Variants in ASB3 observed in about 807,000 individuals in gnomAD.
The protein encoded by ASB3 is ankyrin repeat and SOCS box protein 3.
Under a neutral mutation model 54.5 loss-of-function variants are expected in ASB3, and 41 were observed. The ratio of observed to expected loss-of-function variants is 0.75; its 90% CI spans 0.59 to 0.98. The LOEUF is 0.98. ASB3 is among the 50% of genes least tolerant of loss of function. The pLI is 0.00. For missense variants in ASB3, 733 were observed against 620.0 expected (o/e 1.18, Z -1.94); for synonymous variants, 266 against 221.2 (o/e 1.20, Z -1.80).
At chr2:53,681,110 A>T (rs2103664576) in intron 9 of ASB3, among the ~76,000 whole-genome samples, 1 of 152,288 alleles carries the variant, frequency 6.6e-6, no homozygotes, top group East Asian at 1.9e-4. Flanking sequence ...TATGTATCAC[A>T]GTTTCTTTAT....
chr2:53,768,398 T>C (rs1282055245), intron 1 of ASB3, among the ~76,000 whole-genome samples: 2 of 152,264 alleles, frequency 1.3e-5, no homozygotes, highest in Admixed American at 6.5e-5. Flanking sequence ...GTTGAAATAG[T>C]AAATCAAGTT....
At chr2:53,739,002 C>G (rs554517300) in intron 3 of ASB3, among the ~76,000 whole-genome samples, 1 of 152,152 alleles carries the variant, frequency 6.6e-6, no homozygotes, top group African/African-American at 2.4e-5. Flanking sequence ...AGGGTAGGAA[C>G]ACTGCTTTTC....
chr2:53,748,406 G>A (rs1672341956), intron 3 of ASB3: 1 of 152,022 alleles, frequency 6.6e-6, no homozygotes, highest in Non-Finnish European at 1.5e-5. Flanking sequence ...GTTAAATGCA[G>A]GTGCAGGGGA....
chr2:53,744,897 CT>C (rs2103981357), intron 3 of ASB3, among the ~76,000 whole-genome samples: 1 of 152,286 alleles, frequency 6.6e-6, no homozygotes, highest in Non-Finnish European at 1.5e-5. Context: ...TCACCCAACA[CT>C]ATTTATAAAA....
intron 9 of ASB3, among the ~76,000 whole-genome samples, chr2:53,692,128 T>C (rs1478422564): frequency 6.6e-6 from 1 of 152,044 alleles, no homozygotes; most frequent in East Asian, 1.9e-4. Flanking sequence ...ACCAAAAAAA[T>C]GTCTGCAGAC....
At chr2:53,715,918 A>G (rs1274708638) in intron 6 of ASB3, among the ~76,000 whole-genome samples, 1 of 152,152 alleles carries the variant, frequency 6.6e-6, no homozygotes, top group Non-Finnish European at 1.5e-5. Flanking sequence ...TTATGGCTCT[A>G]AAGATTCTAA....
intron 1 of ASB3, chr2:53,774,166 A>G (rs1275632212): frequency 6.2e-7 from 1 of 1,611,076 alleles, no homozygotes; most frequent in Non-Finnish European, 8.5e-7. Context: ...TGTTGCTTAC[A>G]GATTGCCAGT....
intron 2 of ASB3, among the ~76,000 whole-genome samples, chr2:53,756,263 G>T (rs1002772406): frequency 2.0e-5 from 3 of 152,118 alleles, no homozygotes; most frequent in African/African-American, 7.2e-5. Context: ...TCTAATAGTA[G>T]AATCCAGCAG....
chr2:53,699,876 A>C (rs560361356), intron 8 of ASB3, among the ~76,000 whole-genome samples: 2 of 152,318 alleles, frequency 1.3e-5, no homozygotes, highest in East Asian at 3.9e-4. Context: ...CAAGTTTCAA[A>C]TACACAGGAT....
intron 1 of ASB3, among the ~76,000 whole-genome samples, chr2:53,777,790 G>A (rs1439401865): frequency 6.6e-6 from 1 of 152,154 alleles, no homozygotes; most frequent in Non-Finnish European, 1.5e-5. Flanking sequence ...AAATGTGTTT[G>A]TGCCTTTTTA....
intron 5 of ASB3, among the ~76,000 whole-genome samples, chr2:53,722,140 A>G (rs1471111869): frequency 1.3e-5 from 2 of 151,970 alleles, no homozygotes. Context: ...AGAAATTGAA[A>G]TAGACCAATA....
chr2:53,782,042 T>C (rs1305583473), intron 1 of ASB3, among the ~76,000 whole-genome samples: 2 of 152,076 alleles, frequency 1.3e-5, no homozygotes, highest in African/African-American at 4.8e-5. Flanking sequence ...GGCAGGCTGG[T>C]GCACACCTGT....
At chr2:53,670,838 T>C in intron 9 of ASB3, 148 bp from the exon 10 acceptor site, 2 of 934,928 alleles carry the variant, frequency 2.1e-6, no homozygotes, top group South Asian at 3.9e-5. Context: ...ATGACCACAA[T>C]AAACCTTATT....
At chr2:53,739,469 G>C (rs962820363) in intron 3 of ASB3, among the ~76,000 whole-genome samples, 1 of 152,104 alleles carries the variant, frequency 6.6e-6, no homozygotes, top group Non-Finnish European at 1.5e-5. Context: ...ATTCATTAAA[G>C]AAAAAGCTTT....
At chr2:53,689,243 C>T (rs765911239) in intron 9 of ASB3, among the ~76,000 whole-genome samples, 4 of 151,842 alleles carry the variant, frequency 2.6e-5, no homozygotes, top group Non-Finnish European at 4.4e-5. Context: ...CCATTATATT[C>T]TGTCTGCTGT....
intron 5 of ASB3, among the ~76,000 whole-genome samples, chr2:53,718,686 G>C (rs1377452628): frequency 6.6e-6 from 1 of 151,636 alleles, no homozygotes; most frequent in Admixed American, 6.6e-5. Flanking sequence ...TGAATGTAAA[G>C]GGTCTCTTCA....
At chr2:53,745,955 A>T (rs1672199022) in intron 3 of ASB3, among the ~76,000 whole-genome samples, 1 of 152,196 alleles carries the variant, frequency 6.6e-6, no homozygotes. Flanking sequence ...TTTAATTTTA[A>T]AACTCTTCCA....
intron 3 of ASB3, among the ~76,000 whole-genome samples, chr2:53,745,840 G>A (rs1033674609): frequency 1.3e-5 from 2 of 152,204 alleles, no homozygotes; most frequent in Non-Finnish European, 2.9e-5. Flanking sequence ...ATTCTAGACA[G>A]GTTAACCTTC....
chr2:53,712,856 G>C (rs1670184385), intron 7 of ASB3, among the ~76,000 whole-genome samples: 1 of 152,218 alleles, frequency 6.6e-6, no homozygotes, highest in African/African-American at 2.4e-5. Context: ...ATTTGGGATA[G>C]AGAAAGGCAA....
Sources: allele counts gnomAD v4.1 joint callset (sites outside exome capture counted in the v4.1 genomes callset), GRCh38; gene constraint gnomAD v4.1.1; transcripts MANE v1.5; gene names NCBI Gene and HGNC (gene_info 2026-07-23, HGNC 2026-07-21).